Variants in CNTN4 observed in about 807,000 individuals in gnomAD.
The protein encoded by CNTN4 is contactin 4.
A neutral mutation model predicts 122.5 loss-of-function variants in CNTN4; 77 were observed. The observed-to-expected ratio is 0.63, with a 90% CI of 0.52 to 0.76. CNTN4 has a LOEUF of 0.76. CNTN4 is among the 30% of genes least tolerant of loss of function. CNTN4 has a pLI of 0.00. For missense variants in CNTN4, 1,256 were observed against 1,259.1 expected (o/e 1.00, Z 0.04); for synonymous variants, 512 against 447.0 (o/e 1.15, Z -1.83).
chr3:2,811,215 G>A (rs573378594), intron 6 of CNTN4, among the ~76,000 whole-genome samples: 10 of 151,528 alleles, frequency 6.6e-5, no homozygotes. Context: ...TTCGAGACCA[G>A]CCTGGCCAAT....
At chr3:2,290,396 A>G (rs898527089) in intron 2 of CNTN4, among the ~76,000 whole-genome samples, 24 of 152,198 alleles carry the variant, frequency 1.6e-4, no homozygotes, top group African/African-American at 5.5e-4. Flanking sequence ...TGACATTGGA[A>G]CATTCATATC....
At chr3:2,576,640 C>G (rs2079702372) in intron 4 of CNTN4, among the ~76,000 whole-genome samples, 1 of 151,612 alleles carries the variant, frequency 6.6e-6, no homozygotes, top group African/African-American at 2.4e-5. Context: ...CTCCATCTCC[C>G]AGGTTCAAGC....
intron 14 of CNTN4, among the ~76,000 whole-genome samples, chr3:3,002,172 C>G (rs1696113645): frequency 6.6e-6 from 1 of 152,090 alleles, no homozygotes; most frequent in Non-Finnish European, 1.5e-5. Flanking sequence ...AAGCCGTTTT[C>G]TAATTTTTAT....
chr3:2,257,329 A>T (rs1334231865), intron 2 of CNTN4, among the ~76,000 whole-genome samples: 1 of 152,238 alleles, frequency 6.6e-6, no homozygotes, highest in African/African-American at 2.4e-5. Context: ...CTAAAACCAT[A>T]AAAACCACAG....
chr3:2,454,953 A>G (rs1469515940), intron 3 of CNTN4, among the ~76,000 whole-genome samples: 1 of 152,198 alleles, frequency 6.6e-6, no homozygotes, highest in Non-Finnish European at 1.5e-5. Flanking sequence ...AGTAGAGCTA[A>G]AAGATAAAAG....
rs189493607 is a variant in CNTN4, at chr3:2,107,748, A to T, written c.-145+7109A>T. Among the ~76,000 whole-genome samples, 91 of 152,260 alleles carry T rather than the reference A, an allele frequency of 6.0e-4. 1 individual carries two copies. The highest frequency in any genetic ancestry group is 1.1e-3 in the Non-Finnish European group (73 of 68,028). ...TGATTTATTAGACCAAGCAAAAAAG[A>T]GGAAAGAATACTGGATAAGGAAGGG... On this transcript the variant is annotated intron_variant, in intron 2 of 24. Transcript: ENST00000418658.
intron 12 of CNTN4, among the ~76,000 whole-genome samples, chr3:2,913,741 A>G (rs1388531447): frequency 6.6e-6 from 1 of 152,202 alleles, no homozygotes; most frequent in African/African-American, 2.4e-5. Flanking sequence ...TCAATCATGG[A>G]TAGAACAGTC....
chr3:2,754,273 A>T (rs1192939865), intron 6 of CNTN4, among the ~76,000 whole-genome samples: 1 of 152,184 alleles, frequency 6.6e-6, no homozygotes. Flanking sequence ...ACTTTCTTGT[A>T]GTAGTTCAGA....
intron 3 of CNTN4, among the ~76,000 whole-genome samples, chr3:2,414,638 AC>A (rs1331917579): frequency 6.6e-6 from 1 of 152,096 alleles, no homozygotes; most frequent in Admixed American, 6.5e-5. Context: ...ACATAAACAA[AC>A]CATTAACTGT....
intron 3 of CNTN4, among the ~76,000 whole-genome samples, chr3:2,400,947 C>CCTA (rs772980177): frequency 0.011 from 1,726 of 151,948 alleles, 20 homozygotes; most frequent in Middle Eastern, 0.021. Flanking sequence ...TCTTCTTAGA[C>CCTA]TTCTTATAGG....
chr3:2,874,596 G>T (rs985698483), intron 8 of CNTN4, among the ~76,000 whole-genome samples: 2 of 152,178 alleles, frequency 1.3e-5, no homozygotes, highest in African/African-American at 4.8e-5. Context: ...TTAGAAGCAG[G>T]AGTGGGGCCA....
chr3:2,465,870 A>G (rs188735051), intron 3 of CNTN4, among the ~76,000 whole-genome samples: 5 of 152,312 alleles, frequency 3.3e-5, no homozygotes. Context: ...GAGATAATTT[A>G]CATAACATTT....
intron 13 of CNTN4, among the ~76,000 whole-genome samples, chr3:2,953,886 G>A (rs1392149519): frequency 1.3e-5 from 2 of 152,112 alleles, no homozygotes; most frequent in Admixed American, 1.3e-4. Flanking sequence ...ATATTATTTA[G>A]TGACTACATC....
At chr3:2,322,918 C>G (rs187542625) in intron 2 of CNTN4, among the ~76,000 whole-genome samples, 12 of 152,076 alleles carry the variant, frequency 7.9e-5, no homozygotes, top group African/African-American at 2.4e-4. Context: ...AAGTTGCTGT[C>G]TCAGATTGGT....
chr3:2,542,665 A>G (rs1258499095), intron 3 of CNTN4, among the ~76,000 whole-genome samples: 2 of 152,126 alleles, frequency 1.3e-5, no homozygotes, highest in Non-Finnish European at 2.9e-5. Context: ...AGATCAACTC[A>G]CAGCATGAGG....
Position 2,936,949 on chromosome 3 carries a change from G to A in CNTN4, c.1358+11170G>A, listed in dbSNP as rs114950600. Among the ~76,000 whole-genome samples, 1,067 of 152,194 alleles carry A rather than the reference G, an allele frequency of 7.0e-3. 6 individuals are homozygous for A. Among genetic ancestry groups the A allele is most frequent in the South Asian group, 0.04 (195 of 4,818 alleles). On this transcript the variant is annotated intron_variant, in intron 13 of 24. Transcript: ENST00000418658. ...TGGCTGGCGGCTTTTACACTGCAAGGGCAAGATTGACTAAGTGGGACTGAG... is the reference window on the plus strand; with the variant it reads ...TGGCTGGCGGCTTTTACACTGCAAGAGCAAGATTGACTAAGTGGGACTGAG...
intron 3 of CNTN4, among the ~76,000 whole-genome samples, chr3:2,404,391 T>G (rs1432054163): frequency 6.6e-6 from 1 of 152,142 alleles, no homozygotes; most frequent in Non-Finnish European, 1.5e-5. Flanking sequence ...GGCCCTCATA[T>G]TTTGCTGGTT....
At chr3:2,510,056 C>G (rs1433924938) in intron 3 of CNTN4, among the ~76,000 whole-genome samples, 1 of 152,268 alleles carries the variant, frequency 6.6e-6, no homozygotes, top group Non-Finnish European at 1.5e-5. Flanking sequence ...AATTTACTCA[C>G]ACTTACTGAG....
intron 2 of CNTN4, among the ~76,000 whole-genome samples, chr3:2,160,020 A>C (rs938747262): frequency 4.6e-5 from 7 of 152,172 alleles, no homozygotes; most frequent in Non-Finnish European, 8.8e-5. Context: ...CTGTCTTCCT[A>C]ATTTCTTATG....
Sources: allele counts gnomAD v4.1 joint callset (sites outside exome capture counted in the v4.1 genomes callset), GRCh38; gene constraint gnomAD v4.1.1; transcripts MANE v1.5; gene names NCBI Gene and HGNC (gene_info 2026-07-23, HGNC 2026-07-21).